The following ASTN2 variants were observed in gnomAD, a reference collection of about 807,000 sequenced individuals.
The protein encoded by ASTN2 is astrotactin 2.
ASTN2 carries 54 observed loss-of-function variants against 139.8 expected under a neutral mutation model. That is an observed-to-expected ratio of 0.39 (90% CI 0.31 to 0.48). ASTN2 has a LOEUF of 0.48. ASTN2 is among the 20% of genes least tolerant of loss of function. The probability of loss-of-function intolerance (pLI) is 0.95; values close to 1 mark genes in which losing one functional copy is unlikely to be tolerated. For synonymous variants in ASTN2, 756 were observed against 719.5 expected (o/e 1.05, Z -0.81); for missense variants, 1,565 against 1,725.1 (o/e 0.91, Z 1.64).
At chr9:116,952,518 C>G (rs1315853273) in intron 10 of ASTN2, among the ~76,000 whole-genome samples, 1 of 152,176 alleles carries the variant, frequency 6.6e-6, no homozygotes, top group Non-Finnish European at 1.5e-5. Flanking sequence ...TTCTTTCTCT[C>G]CCTTTAAGAA....
intron 20 of ASTN2, among the ~76,000 whole-genome samples, chr9:116,476,597 G>A (rs1848989315): frequency 6.6e-6 from 1 of 152,188 alleles, no homozygotes; most frequent in Non-Finnish European, 1.5e-5. Context: ...TGCAGCACAA[G>A]TGCCTACCTT....
At chr9:116,645,086 C>T (rs1331453685) in intron 17 of ASTN2, among the ~76,000 whole-genome samples, 1 of 152,106 alleles carries the variant, frequency 6.6e-6, no homozygotes, top group Non-Finnish European at 1.5e-5. Flanking sequence ...GCCTACTTTA[C>T]AAATAAGTAA....
chr9:116,611,914 A>T (rs1029822964), intron 19 of ASTN2: 1 of 152,168 alleles, frequency 6.6e-6, no homozygotes, highest in Admixed American at 6.6e-5. Context: ...ATATTTTATA[A>T]TTCATTTTGT....
At chr9:116,538,497 C>T (rs12379134) in intron 19 of ASTN2, among the ~76,000 whole-genome samples, 87,552 of 151,912 alleles carry the variant, frequency 0.58, 25,766 homozygotes, top group African/African-American at 0.68. Context: ...GGGCAGAGAA[C>T]CACAGAGCTG....
intron 5 of ASTN2, among the ~76,000 whole-genome samples, chr9:117,071,965 C>A (rs539440520): frequency 6.6e-6 from 1 of 152,194 alleles, no homozygotes; most frequent in Non-Finnish European, 1.5e-5. Context: ...AGAAATCACC[C>A]GTCTTCTGAG....
chr9:117,229,886 T>A (rs1286249628), intron 2 of ASTN2, among the ~76,000 whole-genome samples: 1 of 152,114 alleles, frequency 6.6e-6, no homozygotes, highest in Non-Finnish European at 1.5e-5. Context: ...CTCAGGCCTA[T>A]ACTCCCAGCA....
Position 116,831,055 on chromosome 9 carries a change from A to G in ASTN2, c.2041-10272T>C, listed in dbSNP as rs112369223. Among the ~76,000 whole-genome samples the G allele has an allele frequency of 1.3e-5, 2 of 152,076 alleles. 1 individual carries two copies. The highest frequency in any genetic ancestry group is 4.8e-5 in the African/African-American group (2 of 41,420). ...ATGTCTTTTGCAGCAACATGGATAG[A>G]ACTGGAGGCCTTTATCATAAGTTAA... On this transcript the variant is annotated intron_variant, in intron 11 of 22. Coordinates refer to ENST00000313400, the MANE Select transcript of ASTN2 (RefSeq NM_001365068.1).
chr9:117,095,440 T>A (rs1000097808), intron 5 of ASTN2, among the ~76,000 whole-genome samples: 2 of 152,212 alleles, frequency 1.3e-5, no homozygotes, highest in African/African-American at 4.8e-5. Flanking sequence ...GAAATAATTA[T>A]CCAATACTGA....
At position 116,425,402 on chromosome 9, in the gene ASTN2, G is replaced by A. The variant is rs966530418; in HGVS notation, c.*449C>T. 7 of 653,594 alleles carry A rather than the reference G, an allele frequency of 1.1e-5. No individual in the cohort carries two copies. The African/African-American group carries it at 1.1e-4, about 10-fold the overall frequency. 40.5% of individuals were successfully genotyped at this position (653,594 alleles called of 1,614,324 possible). ...CAACCATCCTCAGAGCTTCCTTCCT[G>A]GTGCTGAAGAGGTCAAAACTGTCTC... On this transcript the variant is annotated 3_prime_UTR_variant, in exon 23 of 23. Transcript: ENST00000313400.
intron 5 of ASTN2, among the ~76,000 whole-genome samples, chr9:117,066,108 A>C (rs10817990): frequency 7.3e-6 from 1 of 137,480 alleles, no homozygotes; most frequent in Non-Finnish European, 1.5e-5. Context: ...ATGCTGGTGC[A>C]CTGCACCCAC....
At chr9:116,830,954 T>C (rs955778846) in intron 11 of ASTN2, among the ~76,000 whole-genome samples, 1 of 152,038 alleles carries the variant, frequency 6.6e-6, no homozygotes, top group Non-Finnish European at 1.5e-5. Context: ...TGGTATACAC[T>C]CCTACCCCTC....
intron 1 of ASTN2, among the ~76,000 whole-genome samples, chr9:117,299,504 G>A (rs1323476410): frequency 6.6e-6 from 1 of 152,158 alleles, no homozygotes; most frequent in Non-Finnish European, 1.5e-5. Context: ...ATGGCTGTGT[G>A]GCAAGAGGGC....
intron 20 of ASTN2, among the ~76,000 whole-genome samples, chr9:116,458,109 A>G (rs992478730): frequency 2.6e-5 from 4 of 152,012 alleles, no homozygotes; most frequent in African/African-American, 9.7e-5. Context: ...AGAAAGACAA[A>G]CTTTGCATGT....
At chr9:117,338,391 C>T (rs999588173) in intron 1 of ASTN2, among the ~76,000 whole-genome samples, 12 of 152,130 alleles carry the variant, frequency 7.9e-5, no homozygotes, top group African/African-American at 2.9e-4. Context: ...ATATAAGCAC[C>T]TTCAATCCTA....
At chr9:117,224,314 A>T (rs533905785) in intron 2 of ASTN2, among the ~76,000 whole-genome samples, 3 of 152,358 alleles carry the variant, frequency 2.0e-5, no homozygotes, top group African/African-American at 4.8e-5. Context: ...GGAGGATTAA[A>T]TGCGATTGCA....
chr9:116,847,007 C>CAAAAAAAAAAAAAAA (rs11302692), intron 11 of ASTN2, among the ~76,000 whole-genome samples: 19 of 75,858 alleles, frequency 2.5e-4, no homozygotes, highest in South Asian at 1.4e-3. Context: ...GCTTCATTCT[C>CAAAAAAAAAAAAAAA]AAAAAAAAAA....
In ASTN2 at chr9:116,644,539, T is replaced by C. The variant is rs72762024; in HGVS notation, c.3072+6989A>G. Among the ~76,000 whole-genome samples the C allele has an allele frequency of 4.5e-3, 682 of 152,284 alleles. 3 individuals carry two copies. The highest frequency in any genetic ancestry group is 6.5e-3 in the Non-Finnish European group (441 of 68,012). On this transcript the variant is annotated intron_variant, in intron 17 of 22. Transcript: ENST00000313400. Reference sequence around the variant, plus strand: ...AAGATATTTCCAAGGGTTGAAGGCATGTCTTACTTCAAATTCAGCCTTGGC... The same window carrying C: ...AAGATATTTCCAAGGGTTGAAGGCACGTCTTACTTCAAATTCAGCCTTGGC...
chr9:116,592,020 A>C (rs1483562342), intron 19 of ASTN2, among the ~76,000 whole-genome samples: 1 of 152,182 alleles, frequency 6.6e-6, no homozygotes, highest in East Asian at 1.9e-4. Flanking sequence ...GGATATCAAA[A>C]TTTGCAGTGG....
At chr9:117,261,793 G>A (rs1833828170) in intron 2 of ASTN2, among the ~76,000 whole-genome samples, 1 of 152,044 alleles carries the variant, frequency 6.6e-6, no homozygotes, top group Admixed American at 6.6e-5. Flanking sequence ...AGGCAAGGAG[G>A]GGAAATATTC....
Sources: gnomAD v4.1 joint callset for allele counts (sites outside exome capture counted in the v4.1 genomes callset) on GRCh38, gnomAD v4.1.1 for gene constraint, MANE v1.5 for transcripts, NCBI Gene and HGNC (gene_info 2026-07-23, HGNC 2026-07-21) for gene names.